LHFPL3: variants seen among roughly 807,000 people sequenced by gnomAD.
LHFPL3 encodes LHFPL tetraspan subfamily member 3.
In LHFPL3, 5 loss-of-function variants were observed where a neutral mutation model predicts 19.3. The observed-to-expected ratio is 0.26, with a 90% CI of 0.14 to 0.54. The LOEUF (loss-of-function observed/expected upper bound fraction) is 0.54. LHFPL3 is among the 20% of genes least tolerant of loss of function. The pLI is 0.94. For synonymous variants in LHFPL3, 133 were observed against 126.2 expected, an observed-to-expected ratio of 1.05 and a Z score of -0.36; for missense variants, 249 against 307.4, an observed-to-expected ratio of 0.81 and a Z score of 1.42.
rs547798665 is a variant in LHFPL3, at chr7:104,552,988, A to T, written c.446-183687A>T. Among the ~76,000 whole-genome samples the T allele has an allele frequency of 5.3e-5, 8 of 152,302 alleles. No individual in the cohort carries two copies. In the East Asian group the frequency reaches 1.4e-3, roughly 26 times the overall value. ...TGAGGATAGGAGTGGTACATATTTT[A>T]TAGTGTTACTAAGATTGCATGTGCT... On this transcript the variant is annotated intron_variant, in intron 1 of 2. Coordinates refer to ENST00000424859, the MANE Select transcript of LHFPL3 (RefSeq NM_199000.3).
intron 1 of LHFPL3, 102 bp downstream of exon 1, chr7:104,329,326 C>A: frequency 7.0e-7 from 1 of 1,422,116 alleles, no homozygotes. Flanking sequence ...CCGCTGCGAG[C>A]CAAGCCGCCT....
chr7:104,822,255 T>A (rs1208835747), intron 2 of LHFPL3, among the ~76,000 whole-genome samples: 2 of 152,200 alleles, frequency 1.3e-5, no homozygotes, highest in Non-Finnish European at 2.9e-5. Context: ...CTCTAGTGAG[T>A]CATGGTATTT....
chr7:104,575,468 T>C (rs1192754980), intron 1 of LHFPL3, among the ~76,000 whole-genome samples: 1 of 150,684 alleles, frequency 6.6e-6, no homozygotes, highest in Non-Finnish European at 1.5e-5. Context: ...ACTAAAAGTG[T>C]TATGTGCAAT....
intron 1 of LHFPL3, among the ~76,000 whole-genome samples, chr7:104,716,564 T>A (rs2116232281): frequency 6.6e-6 from 1 of 152,244 alleles, no homozygotes; most frequent in South Asian, 2.1e-4. Flanking sequence ...AGGAAGACAA[T>A]CTTATTTATA....
intron 2 of LHFPL3, among the ~76,000 whole-genome samples, chr7:104,859,268 A>G (rs545699926): frequency 2.0e-5 from 3 of 149,926 alleles, no homozygotes; most frequent in Middle Eastern, 7.0e-3. Context: ...CACTGTCTCA[A>G]AAAAAAAAAA....
At chr7:104,429,281 GGAA>G (rs1562894607) in intron 1 of LHFPL3, among the ~76,000 whole-genome samples, 2 of 148,542 alleles carry the variant, frequency 1.3e-5, no homozygotes, top group South Asian at 2.1e-4. Context: ...TGCATATTTC[GGAA>G]TCTACCTATG....
intron 2 of LHFPL3, among the ~76,000 whole-genome samples, chr7:104,843,777 A>C (rs1013654094): frequency 2.0e-5 from 3 of 152,184 alleles, no homozygotes; most frequent in African/African-American, 7.2e-5. Context: ...GGAAATGGGA[A>C]GCTATCAGTC....
intron 1 of LHFPL3, among the ~76,000 whole-genome samples, chr7:104,532,262 A>G (rs4727602): frequency 0.38 from 56,839 of 148,632 alleles, 11,130 homozygotes; most frequent in Middle Eastern, 0.49. Flanking sequence ...AACTAAAGGC[A>G]TGTGCCACCA....
chr7:104,853,368 G>T (rs1238303375), intron 2 of LHFPL3, among the ~76,000 whole-genome samples: 1 of 152,162 alleles, frequency 6.6e-6, no homozygotes, highest in Non-Finnish European at 1.5e-5. Context: ...CAGAGGGAGT[G>T]CTTTCAGCCA....
At chr7:104,592,651 G>A (rs1000215156) in intron 1 of LHFPL3, among the ~76,000 whole-genome samples, 2 of 152,160 alleles carry the variant, frequency 1.3e-5, no homozygotes, top group African/African-American at 2.4e-5. Flanking sequence ...GGACGTTTAA[G>A]TCTGCAGAAG....
At chr7:104,380,089 C>A in intron 1 of LHFPL3, among the ~76,000 whole-genome samples, 1 of 152,254 alleles carries the variant, frequency 6.6e-6, no homozygotes, top group African/African-American at 2.4e-5. Context: ...GTTTGTCTTT[C>A]TATTATGACT....
intron 1 of LHFPL3, among the ~76,000 whole-genome samples, chr7:104,349,461 C>T (rs1156922615): frequency 6.6e-6 from 1 of 152,190 alleles, no homozygotes; most frequent in Non-Finnish European, 1.5e-5. Context: ...CCCAGACATA[C>T]AAGGGAGCCC....
intron 1 of LHFPL3, among the ~76,000 whole-genome samples, chr7:104,391,426 A>G (rs896383409): frequency 1.3e-5 from 2 of 152,160 alleles, no homozygotes; most frequent in African/African-American, 4.8e-5. Context: ...TCCCAGCACC[A>G]TTTATTAAAT....
intron 1 of LHFPL3, among the ~76,000 whole-genome samples, chr7:104,475,269 A>G (rs1228790670): frequency 6.6e-6 from 1 of 151,896 alleles, no homozygotes. Context: ...AAAAGATGTG[A>G]CTCATTATCA....
At chr7:104,687,291 T>A (rs116537831) in intron 1 of LHFPL3, among the ~76,000 whole-genome samples, 1 of 152,236 alleles carries the variant, frequency 6.6e-6, no homozygotes, top group Non-Finnish European at 1.5e-5. Context: ...AGAACTTCCA[T>A]GTCCTCTCTG....
intron 1 of LHFPL3, among the ~76,000 whole-genome samples, chr7:104,331,420 A>T (rs1319837276): frequency 6.6e-6 from 1 of 152,164 alleles, no homozygotes; most frequent in Non-Finnish European, 1.5e-5. Context: ...TTTTATTTCT[A>T]GGTAAACTAT....
At chr7:104,333,689 G>A (rs1200576571) in intron 1 of LHFPL3, among the ~76,000 whole-genome samples, 1 of 152,188 alleles carries the variant, frequency 6.6e-6, no homozygotes, top group Non-Finnish European at 1.5e-5. Context: ...ATATTTCTTA[G>A]CCTGCAAGAA....
At chr7:104,330,882 A>G (rs914015284) in intron 1 of LHFPL3, among the ~76,000 whole-genome samples, 4 of 152,240 alleles carry the variant, frequency 2.6e-5, no homozygotes, top group Admixed American at 2.6e-4. Context: ...AAGAGGACAC[A>G]CACATGCAGA....
chr7:104,718,951 G>A (rs1001060030), intron 1 of LHFPL3, among the ~76,000 whole-genome samples: 7 of 152,096 alleles, frequency 4.6e-5, no homozygotes, highest in African/African-American at 1.7e-4. Context: ...CTGTTCATAT[G>A]GAGAATTATG....
Sources: gnomAD v4.1 joint callset for allele counts (sites outside exome capture counted in the v4.1 genomes callset) on GRCh38, gnomAD v4.1.1 for gene constraint, MANE v1.5 for transcripts, NCBI Gene and HGNC (gene_info 2026-07-23, HGNC 2026-07-21) for gene names.